The following UGCG variants were observed in gnomAD, a reference collection of about 807,000 sequenced individuals.
UGCG encodes the protein ceramide glucosyltransferase.
UGCG carries 10 observed loss-of-function variants against 49.5 expected under a neutral mutation model. The ratio of observed to expected loss-of-function variants is 0.20; its 90% CI spans 0.12 to 0.34. The LOEUF (loss-of-function observed/expected upper bound fraction) is 0.34. Among genes scored for constraint, UGCG ranks in the 10% least tolerant of loss-of-function variants. The probability of loss-of-function intolerance (pLI) is 1.00; values close to 1 mark genes in which losing one functional copy is unlikely to be tolerated. For synonymous variants in UGCG, 182 were observed against 158.2 expected, an observed-to-expected ratio of 1.15 and a Z score of -1.13; for missense variants, 312 against 483.7, an observed-to-expected ratio of 0.65 and a Z score of 3.33.
At position 111,912,029 on chromosome 9, in the gene UGCG, GATATATATAT is replaced by G. The variant is rs60468274; in HGVS notation, c.99-2561_99-2552del. Among the ~76,000 whole-genome samples the G allele has an allele frequency of 1.4e-4, 9 of 64,586 alleles. 1 individual carries two copies. Among genetic ancestry groups the G allele is most frequent in the South Asian group, 5.6e-4 (1 of 1,774 alleles). The allele number at this position is 64,586 out of a possible 152,430, so 42.4% of individuals were successfully genotyped here. A position where few individuals can be genotyped will look rare whatever the true frequency, so the allele number is the denominator to read the frequency against. On this transcript the variant is annotated intron_variant, in intron 1 of 8. Coordinates refer to ENST00000374279, the MANE Select transcript of UGCG (RefSeq NM_003358.3). ...CAGGATACATATATATATTCAACAG[GATATATATAT>G]ATATATATATATATCCTGTTGAATC...
chr9:111,923,027 AT>A, intron 3 of UGCG, 76 bp downstream of exon 3: 1 of 935,010 alleles, frequency 1.1e-6, no homozygotes, highest in Non-Finnish European at 1.6e-6. Context: ...TGAACTGAAG[AT>A]TAAGGTGTTA....
Position 111,935,010 on chromosome 9 carries a change from C to T in UGCG, c.*2013C>T, listed in dbSNP as rs1224985500. ...GCGTAATCTTGTGTATTACTTAGCTCTCTGCTGATCTCAGTATGGACAGTG... is the reference window on the plus strand; with the variant it reads ...GCGTAATCTTGTGTATTACTTAGCTTTCTGCTGATCTCAGTATGGACAGTG... On this transcript the variant is annotated 3_prime_UTR_variant, in exon 9 of 9. Transcript: ENST00000374279. 6.6e-6 allele frequency: 1 copy of T among 152,180 alleles called. No homozygotes were observed. Among genetic ancestry groups the T allele is most frequent in the Non-Finnish European group, 1.5e-5 (1 of 68,032 alleles). The allele number at this position is 152,180 out of a possible 1,614,324, so 9.4% of individuals were successfully genotyped here.
intron 2 of UGCG, 180 bp downstream of exon 2, chr9:111,914,926 G>T: frequency 1.2e-6 from 1 of 852,318 alleles, no homozygotes; most frequent in Non-Finnish European, 1.7e-6. Flanking sequence ...TTGAGGAAGG[G>T]GTGTAAATTC....
Position 111,926,667 on chromosome 9 carries a change from G to A in UGCG, c.558+171G>A, listed in dbSNP as rs971907744. On this transcript the variant is annotated intron_variant, in intron 5 of 8. Coordinates refer to ENST00000374279, the MANE Select transcript of UGCG (RefSeq NM_003358.3). ...TGAGAGCAGCTGTTTTCATTAGTGA[G>A]GAAATTCTTGGGACCCTGACTGTAC... Among the ~76,000 whole-genome samples, 9 of 152,122 alleles carry A rather than the reference G, an allele frequency of 5.9e-5. 1 individual carries two copies. The highest frequency in any genetic ancestry group is 4.2e-4 in the South Asian group (2 of 4,816).
intron 2 of UGCG, chr9:111,915,008 C>A: frequency 2.9e-6 from 1 of 342,650 alleles, no homozygotes; most frequent in East Asian, 5.1e-5. Context: ...CAGACATTGT[C>A]AAGTGCCTGG....
intron 5 of UGCG, among the ~76,000 whole-genome samples, chr9:111,926,767 T>G (rs1316058778): frequency 6.6e-6 from 1 of 151,982 alleles, no homozygotes; most frequent in East Asian, 1.9e-4. Flanking sequence ...ACCTCTTGCC[T>G]TGTAGTATTC....
chr9:111,928,334 A>G (rs1027836739), intron 5 of UGCG, among the ~76,000 whole-genome samples: 13 of 152,260 alleles, frequency 8.5e-5, no homozygotes, highest in Admixed American at 7.2e-4. Context: ...GTGTTCTAGT[A>G]TACCAAATTG....
intron 1 of UGCG, 91 bp downstream of exon 1, chr9:111,897,404 T>G: frequency 2.9e-6 from 3 of 1,027,002 alleles, no homozygotes; most frequent in Non-Finnish European, 4.2e-6. Flanking sequence ...TGAAGGGGAC[T>G]GGGCTCGGGC....
At chr9:111,920,283 A>G (rs1564202758) in intron 2 of UGCG, among the ~76,000 whole-genome samples, 1 of 152,150 alleles carries the variant, frequency 6.6e-6, no homozygotes, top group Non-Finnish European at 1.5e-5. Context: ...CATGTTTTTC[A>G]TTTGACAAAA....
intron 1 of UGCG, among the ~76,000 whole-genome samples, chr9:111,908,799 A>G (rs1052031564): frequency 2.2e-4 from 34 of 152,358 alleles, no homozygotes; most frequent in African/African-American, 7.5e-4. Context: ...CTGATCTGAG[A>G]CACTAAAAGA....
intron 1 of UGCG, among the ~76,000 whole-genome samples, chr9:111,900,562 G>A (rs908615057): frequency 6.6e-6 from 1 of 152,072 alleles, no homozygotes; most frequent in East Asian, 1.9e-4. Context: ...GCACGATCTT[G>A]GCTGACTGCA....
At position 111,898,708 on chromosome 9, in the gene UGCG, TAGAG is replaced by T. The variant is rs143564586; in HGVS notation, c.98+1401_98+1404del. 3.6e-3 allele frequency among the ~76,000 whole-genome samples: 546 copies of T among 152,218 alleles called. 5 individuals are homozygous for T. The highest frequency in any genetic ancestry group is 0.012 in the African/African-American group (507 of 41,540). On this transcript the variant is annotated intron_variant, in intron 1 of 8. Coordinates refer to ENST00000374279, the MANE Select transcript of UGCG (RefSeq NM_003358.3). Reference sequence around the variant, plus strand: ...CTTACTGTGTAAGGAATTTATGCAATAGAGAGAGATGGAGAAAATTAAAATATGC... The same window carrying T: ...CTTACTGTGTAAGGAATTTATGCAATAGAGATGGAGAAAATTAAAATATGC...
intron 2 of UGCG, among the ~76,000 whole-genome samples, chr9:111,916,312 T>A (rs1361580533): frequency 6.6e-6 from 1 of 152,188 alleles, no homozygotes; most frequent in East Asian, 1.9e-4. Flanking sequence ...AATCTCACAT[T>A]TCAGTTTTTT....
rs923530719 is a variant in UGCG at position 111,897,132 on chromosome 9, G to C, written c.-84G>C. 1 of 944,192 alleles carries C rather than the reference G, an allele frequency of 1.1e-6. No homozygotes were observed. The highest frequency in any genetic ancestry group is 1.4e-6 in the Non-Finnish European group (1 of 721,770). 58.5% of individuals were successfully genotyped at this position (944,192 alleles called of 1,614,324 possible). A position where few individuals can be genotyped will look rare whatever the true frequency, so the allele number is the denominator to read the frequency against. On this transcript the variant is annotated 5_prime_UTR_variant, in exon 1 of 9. Transcript: ENST00000374279. ...CTCTCGCCTCCCGCGCCCCCGCACCGGGCGCCCACCCTGTCCTCCTCCTGC... is the reference window on the plus strand; with the variant it reads ...CTCTCGCCTCCCGCGCCCCCGCACCCGGCGCCCACCCTGTCCTCCTCCTGC...
rs539552263 is a variant in UGCG, at chr9:111,905,089, C to T, written c.98+7776C>T. Among the ~76,000 whole-genome samples, 612 of 152,202 alleles carry T rather than the reference C, an allele frequency of 4.0e-3. 5 individuals carry two copies. The highest frequency in any genetic ancestry group is 0.014 in the African/African-American group (584 of 41,524). On this transcript the variant is annotated intron_variant, in intron 1 of 8. Coordinates refer to ENST00000374279, the MANE Select transcript of UGCG (RefSeq NM_003358.3). ...AAACTAGAAAAATTAAACTAGAAGCCGTCTGTTCCACCCTTTGGCCCTTTC... is the reference window on the plus strand; with the variant it reads ...AAACTAGAAAAATTAAACTAGAAGCTGTCTGTTCCACCCTTTGGCCCTTTC...
At chr9:111,932,787 A>G in intron 8 of UGCG, 40 bp from the exon 9 acceptor site, 1 of 1,495,570 alleles carries the variant, frequency 6.7e-7, no homozygotes. Context: ...CTTTAGTTTG[A>G]CAGTGAGTGA....
At chr9:111,913,386 T>C (rs1302076940) in intron 1 of UGCG, among the ~76,000 whole-genome samples, 2 of 152,130 alleles carry the variant, frequency 1.3e-5, no homozygotes, top group African/African-American at 4.8e-5. Context: ...TGGCATCTTG[T>C]TGCAACAGCC....
chr9:111,914,064 C>T (rs981035303), intron 1 of UGCG, among the ~76,000 whole-genome samples: 5 of 152,022 alleles, frequency 3.3e-5, no homozygotes, highest in African/African-American at 1.2e-4. Flanking sequence ...TTCTGGTTAT[C>T]CTTTCATAAT....
intron 4 of UGCG, among the ~76,000 whole-genome samples, chr9:111,925,923 C>T (rs553036122): frequency 6.6e-6 from 1 of 152,304 alleles, no homozygotes; most frequent in African/African-American, 2.4e-5. Context: ...GTACAGATCT[C>T]TGTTCAATAT....
Sources: gnomAD v4.1 joint callset for allele counts (sites outside exome capture counted in the v4.1 genomes callset) on GRCh38, gnomAD v4.1.1 for gene constraint, MANE v1.5 for transcripts, NCBI Gene and HGNC (gene_info 2026-07-23, HGNC 2026-07-21) for gene names.